Variants in TMEM217 observed in about 807,000 individuals in gnomAD.
TMEM217 encodes chromosome 6 open reading frame 128.
For synonymous variants in TMEM217, 76 were observed against 88.3 expected (o/e 0.86, Z 0.78); for missense variants, 204 against 248.8 (o/e 0.82, Z 1.21).
At chr6:37,234,315 G>T (rs1764369306) in intron 1 of TMEM217, among the ~76,000 whole-genome samples, 1 of 152,108 alleles carries the variant, frequency 6.6e-6, no homozygotes. Context: ...GGCCAGGCTG[G>T]TCTCGAACTC....
chr6:37,248,304 G>A (rs747162424), intron 1 of TMEM217, among the ~76,000 whole-genome samples: 2 of 152,148 alleles, frequency 1.3e-5, no homozygotes, highest in Non-Finnish European at 2.9e-5. Flanking sequence ...GAATACAGTA[G>A]ATGCTCAATA....
intron 1 of TMEM217, among the ~76,000 whole-genome samples, chr6:37,233,533 C>A (rs112002443): frequency 6.6e-6 from 1 of 152,198 alleles, no homozygotes; most frequent in Non-Finnish European, 1.5e-5. Context: ...TCCTCTTTTA[C>A]GAGGGCATTA....
chr6:37,222,711 C>T (rs1357656630), intron 1 of TMEM217, among the ~76,000 whole-genome samples: 1 of 152,246 alleles, frequency 6.6e-6, no homozygotes, highest in African/African-American at 2.4e-5. Context: ...TGCAGCCCGC[C>T]CAAGAGGGCG....
chr6:37,239,999 C>T (rs1483007213), intron 1 of TMEM217, among the ~76,000 whole-genome samples: 1 of 151,918 alleles, frequency 6.6e-6, no homozygotes, highest in Non-Finnish European at 1.5e-5. Context: ...GGAAATCTGG[C>T]AGTGGCAGCC....
At chr6:37,234,715 G>A (rs908969394) in intron 1 of TMEM217, among the ~76,000 whole-genome samples, 13 of 151,970 alleles carry the variant, frequency 8.6e-5, no homozygotes, top group African/African-American at 2.4e-4. Flanking sequence ...CAGCCTAGGC[G>A]ACAGAGTGAG....
At chr6:37,243,592 GGGTTT>G (rs1409480815) in intron 1 of TMEM217, among the ~76,000 whole-genome samples, 1 of 152,120 alleles carries the variant, frequency 6.6e-6, no homozygotes, top group Non-Finnish European at 1.5e-5. Context: ...TCAGAGGTTA[GGGTTT>G]TGTTTTGTTT....
chr6:37,237,703 G>T (rs1764569113), intron 1 of TMEM217, among the ~76,000 whole-genome samples: 1 of 151,986 alleles, frequency 6.6e-6, no homozygotes, highest in Non-Finnish European at 1.5e-5. Context: ...GAGTCAAAAG[G>T]AACAACTGTA....
chr6:37,250,314 TG>T (rs578202970), intron 1 of TMEM217, among the ~76,000 whole-genome samples: 75 of 152,292 alleles, frequency 4.9e-4, no homozygotes, highest in Non-Finnish European at 9.9e-4. Flanking sequence ...TCTAAGGTAT[TG>T]GTAATATCCT....
At chr6:37,252,634 T>C (rs1765491392) in intron 1 of TMEM217, among the ~76,000 whole-genome samples, 1 of 44,542 alleles carries the variant, frequency 2.2e-5, no homozygotes, top group African/African-American at 9.8e-5. Flanking sequence ...TATATATATA[T>C]ATATTTTTTT....
chr6:37,215,669 G>A (rs941081783), downstream of TMEM217, among the ~76,000 whole-genome samples: 6 of 151,068 alleles, frequency 4.0e-5, no homozygotes, highest in Non-Finnish European at 5.9e-5. Flanking sequence ...GCTCAGTGTT[G>A]TCAAGATGTA....
chr6:37,213,749 C>T (rs1376202493), downstream of TMEM217, among the ~76,000 whole-genome samples: 1 of 152,242 alleles, frequency 6.6e-6, no homozygotes, highest in Non-Finnish European at 1.5e-5. Context: ...AATGGGGGAC[C>T]TAAGGCTGGA....
At chr6:37,249,293 T>C (rs1765261058) in intron 1 of TMEM217, among the ~76,000 whole-genome samples, 1 of 152,052 alleles carries the variant, frequency 6.6e-6, no homozygotes, top group Admixed American at 6.6e-5. Context: ...GAAATGAATA[T>C]TTCTTTTCAT....
At chr6:37,238,472 G>T (rs1764603203) in intron 1 of TMEM217, among the ~76,000 whole-genome samples, 1 of 152,094 alleles carries the variant, frequency 6.6e-6, no homozygotes, top group Non-Finnish European at 1.5e-5. Flanking sequence ...ATGGCAATGA[G>T]CCCAGACCCA....
chr6:37,213,142 G>T, downstream of TMEM217: 1 of 631,800 alleles, frequency 1.6e-6, no homozygotes. Flanking sequence ...GGGACATGGG[G>T]TCTGGCCCGT....
intron 1 of TMEM217, among the ~76,000 whole-genome samples, chr6:37,249,302 A>T (rs1765261741): frequency 6.6e-6 from 1 of 151,678 alleles, no homozygotes; most frequent in African/African-American, 2.4e-5. Context: ...ATTTCTTTTC[A>T]TTCTTCTTCT....
intron 1 of TMEM217, among the ~76,000 whole-genome samples, chr6:37,228,813 C>T (rs1171264516): frequency 1.3e-5 from 2 of 151,090 alleles, no homozygotes; most frequent in Non-Finnish European, 2.9e-5. Flanking sequence ...CTGACTAACA[C>T]GGTGAAACCC....
chr6:37,220,319 A>G (rs562887735), intron 1 of TMEM217, among the ~76,000 whole-genome samples: 2 of 152,364 alleles, frequency 1.3e-5, no homozygotes, highest in African/African-American at 4.8e-5. Context: ...TTATGACAGC[A>G]ATGCAGGGTA....
At chr6:37,256,638 C>A (rs537203143) in intron 1 of TMEM217, among the ~76,000 whole-genome samples, 50 of 151,420 alleles carry the variant, frequency 3.3e-4, no homozygotes, top group African/African-American at 1.2e-3. Context: ...AAGAAACCGT[C>A]GTTGGAGGAC....
downstream of TMEM217, among the ~76,000 whole-genome samples, chr6:37,216,943 A>G (rs1168200617): frequency 6.6e-6 from 1 of 152,194 alleles, no homozygotes; most frequent in Non-Finnish European, 1.5e-5. Context: ...GCACCTTGAT[A>G]TTGAACTTCT....
Sources: allele counts gnomAD v4.1 joint callset (sites outside exome capture counted in the v4.1 genomes callset), GRCh38; gene constraint gnomAD v4.1.1; transcripts MANE v1.5; gene names NCBI Gene and HGNC (gene_info 2026-07-23, HGNC 2026-07-21).